IL20RB: variants seen among roughly 807,000 people sequenced by gnomAD.
IL20RB encodes interleukin 20 receptor subunit beta.
A neutral mutation model predicts 33.3 loss-of-function variants in IL20RB; 21 were observed. The ratio of observed to expected loss-of-function variants is 0.63; its 90% CI spans 0.45 to 0.91. The LOEUF (loss-of-function observed/expected upper bound fraction) is 0.91, where lower values mean the gene tolerates loss of function less well. Ranked by LOEUF, IL20RB falls within the 40% of genes least tolerant of loss-of-function variation. The pLI, the probability that IL20RB is intolerant of heterozygous loss-of-function variation, is 0.00. For synonymous variants in IL20RB, 147 were observed against 146.8 expected (o/e 1.00, Z -0.01); for missense variants, 345 against 384.8 (o/e 0.90, Z 0.86).
At position 136,983,094 on chromosome 3, in the gene IL20RB, C is replaced by CT. The variant is rs796518012; in HGVS notation, c.406+755dup. On this transcript the variant is annotated intron_variant, in intron 3 of 6. Transcript: ENST00000329582. ...GAGAGGATCTAGACCAGGTCTATCT[C>CT]TTTTTTTTTTTGATACGGAGTCTCA... Among the ~76,000 whole-genome samples the CT allele has an allele frequency of 3.0e-3, 434 of 146,646 alleles. 3 individuals are homozygous for CT. The highest frequency in any genetic ancestry group is 8.7e-3 in the African/African-American group (351 of 40,204).
intron 6 of IL20RB, among the ~76,000 whole-genome samples, chr3:137,004,980 T>C (rs1018557821): frequency 1.3e-5 from 2 of 152,240 alleles, no homozygotes; most frequent in Admixed American, 1.3e-4. Context: ...TTGTTGTCAT[T>C]GGTTTCAAAG....
Position 136,980,527 on chromosome 3 carries a change from T to C in IL20RB, c.150T>C (p.His50=), listed in dbSNP as rs1473473562. 2 of 1,614,066 alleles carry C rather than the reference T, an allele frequency of 1.2e-6. No individual in the cohort carries two copies. Among genetic ancestry groups the C allele is most frequent in the South Asian group, 2.2e-5 (2 of 91,084 alleles). ...NLSVLSTNMK[H]LLMWSPVIAP... ...CTGTACTCTCAACCAACATGAAGCA[T>C]CTCTTGATGTGGAGCCCAGTGATCG... The change falls in exon 2 of 7, where the codon CAT becomes CAC. Residue 50 remains histidine, a synonymous_variant. Transcript: ENST00000329582.
intron 6 of IL20RB, among the ~76,000 whole-genome samples, chr3:136,999,751 T>C (rs1463043110): frequency 6.6e-6 from 1 of 152,178 alleles, no homozygotes; most frequent in Non-Finnish European, 1.5e-5. Flanking sequence ...TCTTCTGTTA[T>C]CACCAGTCTG....
chr3:136,987,805 T>C (rs1460326433), intron 3 of IL20RB, among the ~76,000 whole-genome samples: 1 of 152,140 alleles, frequency 6.6e-6, no homozygotes, highest in Non-Finnish European at 1.5e-5. Flanking sequence ...GAGGACCCAG[T>C]ACACCCTCCG....
chr3:137,006,163 G>A (rs1297525352), intron 6 of IL20RB, among the ~76,000 whole-genome samples: 1 of 151,988 alleles, frequency 6.6e-6, no homozygotes, highest in Admixed American at 6.6e-5. Flanking sequence ...TCCCTTTGTG[G>A]GTAACTTGAC....
intron 3 of IL20RB, among the ~76,000 whole-genome samples, chr3:136,986,247 A>G (rs1441092154): frequency 7.0e-6 from 1 of 143,378 alleles, no homozygotes; most frequent in Non-Finnish European, 1.5e-5. Flanking sequence ...AAATAAATAA[A>G]TAAATAAATA....
chr3:136,963,698 T>A (rs549480781), intron 1 of IL20RB, among the ~76,000 whole-genome samples: 71 of 147,678 alleles, frequency 4.8e-4, no homozygotes, highest in Middle Eastern at 3.4e-3. Context: ...TTTTTATTTT[T>A]TTTTTTTATT....
intron 6 of IL20RB, among the ~76,000 whole-genome samples, chr3:137,001,966 G>T (rs1942252595): frequency 6.6e-6 from 1 of 152,010 alleles, no homozygotes; most frequent in Admixed American, 6.6e-5. Flanking sequence ...GATGTTCCCT[G>T]CACTGTGTCC....
intron 6 of IL20RB, among the ~76,000 whole-genome samples, chr3:137,001,400 G>A (rs941154695): frequency 9.9e-5 from 15 of 152,276 alleles, no homozygotes; most frequent in African/African-American, 2.9e-4. Flanking sequence ...GATCACTAGC[G>A]TCCATTGAAT....
At chr3:136,982,124 G>A (rs764095205) in intron 2 of IL20RB, 36 bp from the exon 3 acceptor site, 5 of 1,456,080 alleles carry the variant, frequency 3.4e-6, no homozygotes, top group Non-Finnish European at 4.6e-6. Flanking sequence ...GTGTCAGAGG[G>A]GCTGGTGTAA....
chr3:136,998,134 T>C (rs920909223), intron 6 of IL20RB, among the ~76,000 whole-genome samples: 7 of 149,118 alleles, frequency 4.7e-5, no homozygotes, highest in South Asian at 4.2e-4. Context: ...CTTTTCTTTT[T>C]TTTTTTTTTT....
intron 6 of IL20RB, among the ~76,000 whole-genome samples, chr3:137,005,979 G>C (rs1205126406): frequency 6.6e-6 from 1 of 152,184 alleles, no homozygotes; most frequent in Non-Finnish European, 1.5e-5. Context: ...AAATCTCTCA[G>C]CATTTGCTTG....
At chr3:136,990,876 C>T (rs534803349) in intron 4 of IL20RB, among the ~76,000 whole-genome samples, 35 of 152,314 alleles carry the variant, frequency 2.3e-4, no homozygotes, top group Non-Finnish European at 5.0e-4. Context: ...GCATTGCCAG[C>T]CAGGCAGATG....
At chr3:136,980,422 A>T in intron 1 of IL20RB, 44 bp from the exon 2 acceptor site, 1 of 1,613,620 alleles carries the variant, frequency 6.2e-7, no homozygotes, top group Non-Finnish European at 8.5e-7. Flanking sequence ...GCATTCCCCC[A>T]CTATGAGCCC....
intron 3 of IL20RB, among the ~76,000 whole-genome samples, chr3:136,984,275 G>A (rs1454234108): frequency 6.6e-6 from 1 of 151,986 alleles, no homozygotes; most frequent in Non-Finnish European, 1.5e-5. Context: ...CCAGGGTAGA[G>A]GATAATGGAA....
intron 1 of IL20RB, among the ~76,000 whole-genome samples, chr3:136,962,976 T>C (rs538028166): frequency 1.3e-5 from 2 of 152,280 alleles, no homozygotes; most frequent in East Asian, 3.9e-4. Context: ...TTTTTATAAT[T>C]GTGCTATGGT....
chr3:136,989,663 C>CCTGGG, intron 4 of IL20RB, 98 bp downstream of exon 4: 1 of 1,383,068 alleles, frequency 7.2e-7, no homozygotes, highest in Non-Finnish European at 1.0e-6. Context: ...CACTGGGTGA[C>CCTGGG]CTGGGGATGA....
In IL20RB at chr3:136,987,937, G is replaced by A. The variant is rs528420317; in HGVS notation, c.407-1504G>A. Among the ~76,000 whole-genome samples, 9 of 152,266 alleles carry A rather than the reference G, an allele frequency of 5.9e-5. No individual in the cohort carries two copies. In the South Asian group the frequency reaches 8.3e-4, roughly 14 times the overall value. On this transcript the variant is annotated intron_variant, in intron 3 of 6. Transcript: ENST00000329582. ...GAACTCCAGCTGGCCCGCAAGCGCC[G>A]CGTGCAGCCCCGGTTCCAGCTCGCG...
At chr3:136,991,869 C>G in intron 4 of IL20RB, 69 bp from the exon 5 acceptor site, 1 of 1,549,264 alleles carries the variant, frequency 6.5e-7, no homozygotes, top group Non-Finnish European at 8.8e-7. Context: ...CTCAGGCTCC[C>G]AAAGTGCTGG....
Sources: gnomAD v4.1 joint callset for allele counts (sites outside exome capture counted in the v4.1 genomes callset) on GRCh38, gnomAD v4.1.1 for gene constraint, MANE v1.5 for transcripts, NCBI Gene and HGNC (gene_info 2026-07-23, HGNC 2026-07-21) for gene names.